Variants in DOCK3 observed in about 807,000 individuals in gnomAD.
The protein encoded by DOCK3 is dedicator of cytokinesis protein 3.
DOCK3 carries 60 observed loss-of-function variants against 265.6 expected under a neutral mutation model. That is an observed-to-expected ratio of 0.23 (90% CI 0.18 to 0.28). The LOEUF is 0.28. DOCK3 is among the 10% of genes least tolerant of loss of function. DOCK3 has a pLI of 1.00. For synonymous variants in DOCK3, 881 were observed against 938.0 expected (o/e 0.94, Z 1.11); for missense variants, 1,981 against 2,594.3 (o/e 0.76, Z 5.14).
At chr3:51,283,485 A>G (rs566159230) in intron 27 of DOCK3, among the ~76,000 whole-genome samples, 169 of 152,302 alleles carry the variant, frequency 1.1e-3, no homozygotes, top group Non-Finnish European at 2.0e-3. Flanking sequence ...TCTAGAAGCA[A>G]TGCAGAGAAA....
In DOCK3 at chr3:50,675,182, G is replaced by A; in HGVS notation, c.-82G>A. 1 of 990,734 alleles carries A rather than the reference G, an allele frequency of 1.0e-6. No individual in the cohort carries two copies. The highest frequency in any genetic ancestry group is 1.2e-6 in the Non-Finnish European group (1 of 814,996). 61.4% of individuals were successfully genotyped at this position (990,734 alleles called of 1,614,324 possible). The stretch of plus-strand genomic sequence containing the variant: ...CTGACCGTCCCCGCCTCGACTCGCG[G>A]TGCGCCACAGCCGGGCCCGCGGCCG... On this transcript the variant is annotated 5_prime_UTR_variant, in exon 1 of 53. It adds an upstream start codon to the 5' untranslated region. Coordinates refer to ENST00000266037, the MANE Select transcript of DOCK3 (RefSeq NM_004947.5). The surrounding 1 kb of genome is among the most constrained non-coding windows in gnomAD (Gnocchi z 6.1).
Position 51,350,949 on chromosome 3 carries a change from C to A in DOCK3, c.4107+557C>A, listed in dbSNP as rs192558318. 4.6e-3 allele frequency among the ~76,000 whole-genome samples: 707 copies of A among 152,348 alleles called. 9 individuals carry two copies. The highest frequency in any genetic ancestry group is 0.016 in the African/African-American group (661 of 41,576). On this transcript the variant is annotated intron_variant, in intron 40 of 52. Transcript: ENST00000266037. ...CACTGGGTTTGGCTGTAGAAAGCCTCTTCTAGGCAGCCAGTTCTCTGACCC... is the reference window on the plus strand; with the variant it reads ...CACTGGGTTTGGCTGTAGAAAGCCTATTCTAGGCAGCCAGTTCTCTGACCC...
chr3:51,243,133 A>G lies in DOCK3; in HGVS notation c.2103-3593A>G, dbSNP rs549747750. On this transcript the variant is annotated intron_variant, in intron 21 of 52. Coordinates refer to ENST00000266037, the MANE Select transcript of DOCK3 (RefSeq NM_004947.5). ...AGACCGCCCTGCAGAGTTCAGGACC[A>G]ACAGTTCCCCTAGGACTGAAGTCTC... is the stretch of plus-strand genomic sequence containing the variant. 8.0e-4 allele frequency among the ~76,000 whole-genome samples: 122 copies of G among 152,300 alleles called. 1 individual carries two copies. Among genetic ancestry groups the G allele is most frequent in the African/African-American group, 2.7e-3 (112 of 41,552 alleles).
intron 5 of DOCK3, among the ~76,000 whole-genome samples, chr3:51,045,723 T>C (rs532759797): frequency 7.9e-5 from 12 of 152,228 alleles, no homozygotes; most frequent in Non-Finnish European, 1.2e-4. Flanking sequence ...TATCATACTT[T>C]TGTTTGTAGA....
At chr3:51,050,170 G>A (rs932303312) in intron 5 of DOCK3, among the ~76,000 whole-genome samples, 1 of 152,068 alleles carries the variant, frequency 6.6e-6, no homozygotes, top group African/African-American at 2.4e-5. Context: ...GATTGCTTGA[G>A]GCCAGGAGTT....
At chr3:51,031,413 T>C (rs770920115) in intron 5 of DOCK3, among the ~76,000 whole-genome samples, 1 of 152,182 alleles carries the variant, frequency 6.6e-6, no homozygotes, top group African/African-American at 2.4e-5. Flanking sequence ...CCTTATGTTT[T>C]AATCCACCAG....
chr3:51,195,336 C>T (rs2088215786), intron 12 of DOCK3, among the ~76,000 whole-genome samples: 2 of 152,030 alleles, frequency 1.3e-5, no homozygotes, highest in Non-Finnish European at 2.9e-5. Context: ...GTTTGCTGGA[C>T]GTCTGCAGTG....
intron 1 of DOCK3, among the ~76,000 whole-genome samples, chr3:50,702,231 T>C (rs1396926186): frequency 6.6e-6 from 1 of 152,238 alleles, no homozygotes; most frequent in Non-Finnish European, 1.5e-5. Context: ...TTGTGTCCTC[T>C]TCAAATCTCC....
Position 51,016,500 on chromosome 3 carries a change from CATAATATATATATCATATATTTCTAT to C in DOCK3, c.316-47938_316-47913del, listed in dbSNP as rs2079249541. Among the ~76,000 whole-genome samples, 6 of 88,086 alleles carry C rather than the reference CATAATATATATATCATATATTTCTAT, an allele frequency of 6.8e-5. 1 individual carries two copies. The highest frequency in any genetic ancestry group is 1.7e-4 in the Admixed American group (1 of 5,718). 57.8% of individuals were successfully genotyped at this position (88,086 alleles called of 152,430 possible). ...ATAATATATATATCATATATTTCTA[CATAATATATATATCATATATTTCTAT>C]ATAATATATGATATATATATTTATA... On this transcript the variant is annotated intron_variant, in intron 5 of 52. Coordinates refer to ENST00000266037, the MANE Select transcript of DOCK3 (RefSeq NM_004947.5).
intron 4 of DOCK3, among the ~76,000 whole-genome samples, chr3:50,910,062 C>G (rs1450347776): frequency 1.3e-5 from 2 of 152,012 alleles, no homozygotes; most frequent in African/African-American, 4.8e-5. Flanking sequence ...TTACTTTTAG[C>G]TTCATCAGGT....
chr3:51,325,950 A>G (rs1052920300), intron 32 of DOCK3, among the ~76,000 whole-genome samples: 4 of 152,112 alleles, frequency 2.6e-5, no homozygotes, highest in African/African-American at 4.8e-5. Context: ...ATTAGAAGAA[A>G]TACCTAATGT....
At chr3:50,690,933 G>T (rs918392339) in intron 1 of DOCK3, among the ~76,000 whole-genome samples, 4 of 151,814 alleles carry the variant, frequency 2.6e-5, no homozygotes, top group Non-Finnish European at 4.4e-5. Context: ...GAGCCACTGT[G>T]CCTGGCCTCT....
intron 9 of DOCK3, among the ~76,000 whole-genome samples, chr3:51,112,868 G>A (rs1352201320): frequency 1.3e-5 from 2 of 152,186 alleles, no homozygotes; most frequent in African/African-American, 4.8e-5. Context: ...TGAAGAACTA[G>A]TGCCTGTGAC....
chr3:51,146,210 T>C (rs1171902160), intron 9 of DOCK3, among the ~76,000 whole-genome samples: 2 of 152,354 alleles, frequency 1.3e-5, no homozygotes, highest in East Asian at 1.9e-4. Flanking sequence ...ATGCTTGTTA[T>C]GGATTTCGCA....
intron 10 of DOCK3, among the ~76,000 whole-genome samples, chr3:51,157,397 C>T (rs4475072): frequency 0.79 from 120,056 of 151,934 alleles, 48,304 homozygotes; most frequent in Middle Eastern, 0.9. Context: ...AAGTGCGTGC[C>T]GCCACACCCT....
At chr3:51,114,638 G>A (rs575669105) in intron 9 of DOCK3, among the ~76,000 whole-genome samples, 23 of 151,810 alleles carry the variant, frequency 1.5e-4, no homozygotes, top group South Asian at 4.1e-4. Context: ...AGGCTTTTTT[G>A]TTGTTGTTGT....
At chr3:51,062,242 A>C (rs1371899451) in intron 5 of DOCK3, among the ~76,000 whole-genome samples, 2 of 152,164 alleles carry the variant, frequency 1.3e-5, no homozygotes, top group Admixed American at 1.3e-4. Context: ...GCTTAGAATA[A>C]AAGCCAAAGC....
intron 2 of DOCK3, among the ~76,000 whole-genome samples, chr3:50,812,655 G>T (rs2043830636): frequency 6.6e-6 from 1 of 152,130 alleles, no homozygotes; most frequent in African/African-American, 2.4e-5. Context: ...CTGCCTTTTT[G>T]TTCTATTCAG....
chr3:51,113,668 T>G (rs1443283962), intron 9 of DOCK3, among the ~76,000 whole-genome samples: 4 of 152,200 alleles, frequency 2.6e-5, no homozygotes, highest in African/African-American at 9.7e-5. Flanking sequence ...AGTGATCTAA[T>G]ATACCTGTTA....
Sources: gnomAD v4.1 joint callset for allele counts (sites outside exome capture counted in the v4.1 genomes callset) on GRCh38, gnomAD v4.1.1 for gene constraint, Gnocchi (gnomAD v3.1) non-coding constraint, MANE v1.5 for transcripts, NCBI Gene and HGNC (gene_info 2026-07-23, HGNC 2026-07-21) for gene names.